TGFBR1: variants seen among roughly 807,000 people sequenced by gnomAD.
TGFBR1 encodes the protein TGF-beta receptor type-1.
TGFBR1 carries 20 observed loss-of-function variants against 55.1 expected under a neutral mutation model. The observed-to-expected ratio is 0.36, with a 90% CI of 0.26 to 0.53. TGFBR1 has a LOEUF of 0.53. TGFBR1 is among the 20% of genes least tolerant of loss of function. The probability of loss-of-function intolerance (pLI) is 0.91; values close to 1 mark genes in which losing one functional copy is unlikely to be tolerated. For synonymous variants in TGFBR1, 220 were observed against 214.8 expected, an observed-to-expected ratio of 1.02 and a Z score of -0.21; for missense variants, 385 against 617.6, an observed-to-expected ratio of 0.62 and a Z score of 3.99.
rs201269197 is a variant in TGFBR1, at chr9:99,149,807, T to G, written c.*502T>G. ...TTCAGGATCTTAAAACTAACACTTATAAAACTCTTATCTTGAGTCTAAAAA... is the reference window on the plus strand; with the variant it reads ...TTCAGGATCTTAAAACTAACACTTAGAAAACTCTTATCTTGAGTCTAAAAA... On this transcript the variant is annotated 3_prime_UTR_variant, in exon 9 of 9. Coordinates refer to ENST00000374994, the MANE Select transcript of TGFBR1 (RefSeq NM_004612.4). The G allele has an allele frequency of 4.3e-6, 1 of 229,944 alleles. No individual in the cohort carries two copies. Among genetic ancestry groups the G allele is most frequent in the Non-Finnish European group, 8.7e-6 (1 of 115,066 alleles). 14.2% of individuals were successfully genotyped at this position (229,944 alleles called of 1,614,324 possible).
At chr9:99,132,079 T>G (rs10819639) in intron 2 of TGFBR1, among the ~76,000 whole-genome samples, 30,379 of 152,018 alleles carry the variant, frequency 0.2, 3,319 homozygotes, top group Non-Finnish European at 0.25. Context: ...TGTTGTTTTT[T>G]TTGTTGTTGT....
chr9:99,110,609 C>A (rs1035454261), intron 1 of TGFBR1, among the ~76,000 whole-genome samples: 3 of 152,108 alleles, frequency 2.0e-5, no homozygotes, highest in African/African-American at 7.2e-5. Flanking sequence ...ATCGTCTAAT[C>A]GTAAATATAT....
In TGFBR1 at chr9:99,134,802, T is replaced by TTTTATATATA. The variant is rs1554700023; in HGVS notation, c.574+2064_574+2065insTTATATATAT. Among the ~76,000 whole-genome samples the TTTTATATATA allele has an allele frequency of 9.1e-3, 375 of 41,346 alleles. 26 individuals carry two copies. Among genetic ancestry groups the TTTTATATATA allele is most frequent in the Non-Finnish European group, 0.012 (275 of 23,684 alleles). 27.1% of individuals were successfully genotyped at this position (41,346 alleles called of 152,430 possible). Reference sequence around the variant, plus strand: ...AAACAATGGAATAATTCTGTTTCCATTATATATATATATATATATATATAT... The same window carrying TTTTATATATA: ...AAACAATGGAATAATTCTGTTTCCATTTTATATATATATATATATATATATATATATATAT... On this transcript the variant is annotated intron_variant, in intron 3 of 8. Transcript: ENST00000374994.
At chr9:99,142,283 A>G (rs373989631) in intron 4 of TGFBR1, among the ~76,000 whole-genome samples, 1 of 152,234 alleles carries the variant, frequency 6.6e-6, no homozygotes, top group South Asian at 2.1e-4. Context: ...AAAAGTCACC[A>G]TCTTTGTCTC....
At chr9:99,134,422 T>C (rs1053234653) in intron 3 of TGFBR1, among the ~76,000 whole-genome samples, 1 of 152,174 alleles carries the variant, frequency 6.6e-6, no homozygotes, top group Non-Finnish European at 1.5e-5. Context: ...GAAGGTGTGA[T>C]AGTCTTTAGG....
intron 4 of TGFBR1, 41 bp from the exon 5 acceptor site, chr9:99,142,495 A>G (rs1214444389): frequency 5.0e-6 from 8 of 1,611,800 alleles, no homozygotes; most frequent in African/African-American, 4.0e-5. Context: ...TAAATCATAA[A>G]TGGTCTGCAG....
chr9:99,144,116 G>A (rs1827717052), intron 5 of TGFBR1, among the ~76,000 whole-genome samples: 2 of 152,142 alleles, frequency 1.3e-5, no homozygotes, highest in South Asian at 2.1e-4. Flanking sequence ...TGTACAAGTT[G>A]TATGTAGTTT....
chr9:99,134,377 G>C (rs1443486990), intron 3 of TGFBR1, among the ~76,000 whole-genome samples: 1 of 152,202 alleles, frequency 6.6e-6, no homozygotes, highest in Non-Finnish European at 1.5e-5. Flanking sequence ...GGAAGACAAT[G>C]AGAGTTTGGA....
At chr9:99,148,707 T>C (rs1369535247) in intron 8 of TGFBR1, among the ~76,000 whole-genome samples, 1 of 152,070 alleles carries the variant, frequency 6.6e-6, no homozygotes, top group Non-Finnish European at 1.5e-5. Flanking sequence ...TTTTGTCTTT[T>C]AGAAATTTGA....
intron 8 of TGFBR1, 57 bp from the exon 9 acceptor site, chr9:99,149,123 T>C (rs1026267208): frequency 4.3e-5 from 67 of 1,540,448 alleles, no homozygotes; most frequent in Non-Finnish European, 5.7e-5. Context: ...AAAATTCTTA[T>C]CCAGACCAAT....
At chr9:99,131,430 A>C (rs1385410041) in intron 2 of TGFBR1, among the ~76,000 whole-genome samples, 1 of 152,216 alleles carries the variant, frequency 6.6e-6, no homozygotes, top group Non-Finnish European at 1.5e-5. Context: ...AATCTACTGA[A>C]GATCTTAAGA....
In TGFBR1 at chr9:99,150,062, T is replaced by A. The variant is rs1420669002; in HGVS notation, c.*757T>A. 2.1e-5 allele frequency: 4 copies of A among 187,744 alleles called. No individual in the cohort carries two copies. The highest frequency in any genetic ancestry group is 9.3e-5 in the African/African-American group (4 of 42,816). The allele number at this position is 187,744 out of a possible 1,614,324, so 11.6% of individuals were successfully genotyped here. ...GCTTATTTATCTGGGTAACCCAAAC[T>A]TTTTCTGTTTTGTTTTTGGAAGGGT... is the stretch of plus-strand genomic sequence containing the variant. On this transcript the variant is annotated 3_prime_UTR_variant, in exon 9 of 9. Transcript: ENST00000374994.
At chr9:99,132,402 T>TG in intron 2 of TGFBR1, 107 bp from the exon 3 acceptor site, 2 of 1,549,098 alleles carry the variant, frequency 1.3e-6, no homozygotes, top group South Asian at 2.3e-5. Flanking sequence ...GGCTAAGTGG[T>TG]GGCAGTGGCC....
chr9:99,152,706 C>G lies in TGFBR1; in HGVS notation c.*3401C>G. 1 of 226,570 alleles carries G rather than the reference C, an allele frequency of 4.4e-6. No individual in the cohort carries two copies. Among genetic ancestry groups the G allele is most frequent in the East Asian group, 6.4e-5 (1 of 15,740 alleles). The allele number at this position is 226,570 out of a possible 1,614,324, so 14.0% of individuals were successfully genotyped here. On this transcript the variant is annotated 3_prime_UTR_variant, in exon 9 of 9. Coordinates refer to ENST00000374994, the MANE Select transcript of TGFBR1 (RefSeq NM_004612.4). ...ACTGTTTCTTGACCATGGCAGTGTT[C>G]TGGCTCCAAATGGTAGTGATTCCAA...
chr9:99,144,003 A>G (rs1329393921), intron 5 of TGFBR1, among the ~76,000 whole-genome samples: 2 of 152,232 alleles, frequency 1.3e-5, no homozygotes, highest in African/African-American at 4.8e-5. Flanking sequence ...TGGCTAAGTA[A>G]TACTTCAGTG....
chr9:99,137,361 G>GC (rs1367045758), intron 3 of TGFBR1, among the ~76,000 whole-genome samples: 1 of 152,050 alleles, frequency 6.6e-6, no homozygotes, highest in Non-Finnish European at 1.5e-5. Flanking sequence ...TCCAGCCATG[G>GC]CCCTTTTTCT....
chr9:99,129,179 C>A, intron 2 of TGFBR1, 79 bp downstream of exon 2: 1 of 1,512,792 alleles, frequency 6.6e-7, no homozygotes, highest in Non-Finnish European at 9.1e-7. Flanking sequence ...TGGAAGGGAT[C>A]ATAAAAATTG....
intron 1 of TGFBR1, among the ~76,000 whole-genome samples, chr9:99,122,933 G>A (rs1183468770): frequency 6.6e-6 from 1 of 152,046 alleles, no homozygotes; most frequent in East Asian, 1.9e-4. Flanking sequence ...CTGCACATAA[G>A]TACTTAACAT....
At chr9:99,135,977 C>G (rs1009434326) in intron 3 of TGFBR1, among the ~76,000 whole-genome samples, 2 of 151,498 alleles carry the variant, frequency 1.3e-5, no homozygotes, top group Admixed American at 6.6e-5. Flanking sequence ...GCCTCAGCCT[C>G]CTGAGTAGCT....
Sources: allele counts gnomAD v4.1 joint callset (sites outside exome capture counted in the v4.1 genomes callset), GRCh38; gene constraint gnomAD v4.1.1; transcripts MANE v1.5; gene names NCBI Gene and HGNC (gene_info 2026-07-23, HGNC 2026-07-21).